Variants in BICD1 observed in about 807,000 individuals in gnomAD.
BICD1 encodes the protein BICD cargo adaptor 1.
In BICD1, 35 loss-of-function variants were observed where a neutral mutation model predicts 92.5. That is an observed-to-expected ratio of 0.38 (90% CI 0.29 to 0.50). The LOEUF is 0.50. BICD1 is among the 20% of genes least tolerant of loss of function. The pLI is 0.93. For missense variants in BICD1, 950 were observed against 1,189.8 expected (o/e 0.80, Z 2.97); for synonymous variants, 429 against 465.1 (o/e 0.92, Z 1.00).
intron 2 of BICD1, among the ~76,000 whole-genome samples, chr12:32,230,399 CAAATA>C (rs1945842008): frequency 7.5e-6 from 1 of 133,200 alleles, no homozygotes; most frequent in African/African-American, 2.8e-5. Context: ...GACCCTGTCT[CAAATA>C]AATAAATAAA....
chr12:32,184,499 C>T (rs2121526613), intron 1 of BICD1, among the ~76,000 whole-genome samples: 1 of 152,242 alleles, frequency 6.6e-6, no homozygotes, highest in South Asian at 2.1e-4. Flanking sequence ...GTTGGCCAGG[C>T]TGCTCTTGAA....
rs191522250 is a variant in BICD1 at position 32,380,041 on chromosome 12, G to A, written c.*2414G>A. The A allele has an allele frequency of 4.6e-5, 7 of 152,272 alleles. No individual in the cohort carries two copies. The highest frequency in any genetic ancestry group is 6.5e-5 in the Admixed American group (1 of 15,280). The allele number at this position is 152,272 out of a possible 1,614,324, so 9.4% of individuals were successfully genotyped here. A position where few individuals can be genotyped will look rare whatever the true frequency, so the allele number is the denominator to read the frequency against. ...TCAGTTATTTATCTTCATAGAGTGG[G>A]AAAGTCTTTTTCTGAAATACTAATT... is the stretch of plus-strand genomic sequence containing the variant. On this transcript the variant is annotated 3_prime_UTR_variant, in exon 10 of 10. Coordinates refer to ENST00000652176, the MANE Select transcript of BICD1 (RefSeq NM_001714.4).
At position 32,301,910 on chromosome 12, in the gene BICD1, G is replaced by C. The variant is rs1029247531; in HGVS notation, c.580-3787G>C. On this transcript the variant is annotated intron_variant, in intron 3 of 9. Transcript: ENST00000652176. ...TATTTTTATTTACTTATTTTTAGAC[G>C]GAGTCTTGCTCTGTCGCCCAGGCTG... Among the ~76,000 whole-genome samples the C allele has an allele frequency of 2.6e-5, 4 of 152,108 alleles. No homozygotes were observed. The East Asian group carries it at 5.8e-4, about 22-fold the overall frequency.
Position 32,107,445 on chromosome 12 carries a change from G to A in BICD1, c.114G>A (p.Gly38=), listed in dbSNP as rs62642547. 1.5e-3 allele frequency: 2,422 copies of A among 1,611,650 alleles called. 44 individuals carry two copies. In the African/African-American group the frequency reaches 0.029, roughly 19 times the overall value. The change falls in exon 1 of 10, where the codon GGG becomes GGA. Residue 38 remains glycine, a synonymous_variant. Coordinates refer to ENST00000652176, the MANE Select transcript of BICD1 (RefSeq NM_001714.4). ...AGAAGATCCAGGCTGCCGAGTACGG[G>A]CTGGTGGTGCTGGAGGAGAAGCTGA... ...THEKIQAAEY[G]LVVLEEKLTL...
intron 2 of BICD1, among the ~76,000 whole-genome samples, chr12:32,226,391 C>T (rs1464408697): frequency 6.6e-6 from 1 of 152,216 alleles, no homozygotes; most frequent in Non-Finnish European, 1.5e-5. Flanking sequence ...GTCTCGGCCT[C>T]CCAAAGTGCT....
intron 8 of BICD1, among the ~76,000 whole-genome samples, chr12:32,355,612 G>A (rs1939064214): frequency 6.6e-6 from 1 of 152,086 alleles, no homozygotes; most frequent in Non-Finnish European, 1.5e-5. Flanking sequence ...GACTAGCCTG[G>A]GCAACACGGT....
intron 1 of BICD1, among the ~76,000 whole-genome samples, chr12:32,161,612 A>T (rs1321146796): frequency 6.6e-6 from 1 of 152,208 alleles, no homozygotes; most frequent in Non-Finnish European, 1.5e-5. Flanking sequence ...GAAATGCCTG[A>T]TGGTATCCAC....
At chr12:32,133,992 A>G (rs1340270261) in intron 1 of BICD1, among the ~76,000 whole-genome samples, 1 of 152,178 alleles carries the variant, frequency 6.6e-6, no homozygotes, top group East Asian at 1.9e-4. Flanking sequence ...TGTGTTGGCC[A>G]GGATGGTCTT....
intron 1 of BICD1, among the ~76,000 whole-genome samples, chr12:32,190,041 G>A (rs1944523406): frequency 6.6e-6 from 1 of 152,086 alleles, no homozygotes; most frequent in Non-Finnish European, 1.5e-5. Flanking sequence ...GTTGTTACCA[G>A]TTTAAACAGA....
At chr12:32,360,312 A>G (rs1224130887) in intron 8 of BICD1, among the ~76,000 whole-genome samples, 1 of 152,226 alleles carries the variant, frequency 6.6e-6, no homozygotes. Flanking sequence ...ATAGAGGAAG[A>G]GGTGCCTAAG....
chr12:32,339,682 A>T, intron 8 of BICD1: 2 of 985,464 alleles, frequency 2.0e-6, no homozygotes, highest in Non-Finnish European at 2.4e-6. Context: ...TTGCAAATAA[A>T]AATCATCCTT....
intron 2 of BICD1, among the ~76,000 whole-genome samples, chr12:32,267,263 G>A (rs142618929): frequency 6.1e-4 from 93 of 152,306 alleles, no homozygotes; most frequent in African/African-American, 2.1e-3. Context: ...TATGTACACA[G>A]TGTATACAAT....
intron 1 of BICD1, among the ~76,000 whole-genome samples, chr12:32,109,843 A>G (rs1941622730): frequency 2.0e-5 from 3 of 152,068 alleles, no homozygotes; most frequent in Non-Finnish European, 4.4e-5. Context: ...TGAAAAGTAA[A>G]TCCAAAATAA....
At chr12:32,245,892 T>A (rs1418291706) in intron 2 of BICD1, among the ~76,000 whole-genome samples, 1 of 151,094 alleles carries the variant, frequency 6.6e-6, no homozygotes, top group African/African-American at 2.4e-5. Flanking sequence ...TAGCCAGGTG[T>A]GGTGGCGCAC....
chr12:32,170,155 T>G (rs1398293374), intron 1 of BICD1, among the ~76,000 whole-genome samples: 4 of 152,200 alleles, frequency 2.6e-5, no homozygotes, highest in African/African-American at 9.6e-5. Flanking sequence ...CAACTTTCTC[T>G]TAGGCATCCT....
At chr12:32,322,556 ACCT>A (rs1161854756) in intron 4 of BICD1, among the ~76,000 whole-genome samples, 3 of 152,132 alleles carry the variant, frequency 2.0e-5, no homozygotes, top group Admixed American at 6.6e-5. Flanking sequence ...CCTGCCACTC[ACCT>A]CCTGCTGTGT....
chr12:32,146,248 C>T (rs889289645), intron 1 of BICD1, among the ~76,000 whole-genome samples: 4 of 152,216 alleles, frequency 2.6e-5, no homozygotes, highest in Non-Finnish European at 5.9e-5. Context: ...GTCACTGTTA[C>T]ATGTTAGCCA....
chr12:32,186,102 G>A (rs1475043264), intron 1 of BICD1, among the ~76,000 whole-genome samples: 1 of 152,218 alleles, frequency 6.6e-6, no homozygotes, highest in Admixed American at 6.5e-5. Flanking sequence ...AGAAACATCT[G>A]CCTTGAACAT....
chr12:32,252,881 TC>T (rs374342824), intron 2 of BICD1, among the ~76,000 whole-genome samples: 2 of 152,160 alleles, frequency 1.3e-5, no homozygotes, highest in East Asian at 3.9e-4. Context: ...GTTTTTTGTT[TC>T]TGTTTTTGAG....
Sources: gnomAD v4.1 joint callset for allele counts (sites outside exome capture counted in the v4.1 genomes callset) on GRCh38, gnomAD v4.1.1 for gene constraint, MANE v1.5 for transcripts, NCBI Gene and HGNC (gene_info 2026-07-23, HGNC 2026-07-21) for gene names.